BMAL1: variants seen among roughly 807,000 people sequenced by gnomAD.
The protein encoded by BMAL1 is basic helix-loop-helix ARNT like 1.
chr11:13,381,635 C>T, the BMAL1 span, among the ~76,000 whole-genome samples: 1 of 152,130 alleles, frequency 6.6e-6, no homozygotes, highest in Non-Finnish European at 1.5e-5. Flanking sequence ...CTAGGGCAGG[C>T]AATGGAAACA....
At chr11:13,302,011 A>T in the BMAL1 span, among the ~76,000 whole-genome samples, 2 of 152,170 alleles carry the variant, frequency 1.3e-5, no homozygotes, top group Admixed American at 6.5e-5. Flanking sequence ...AATCAGACAG[A>T]TGGACAGATG....
the BMAL1 span, among the ~76,000 whole-genome samples, chr11:13,328,341 G>C: frequency 1.3e-5 from 2 of 152,104 alleles, no homozygotes; most frequent in African/African-American, 2.4e-5. Flanking sequence ...TTAAAAAAAT[G>C]CTTGTTTTTT....
chr11:13,295,986 C>T, the BMAL1 span, among the ~76,000 whole-genome samples: 2 of 152,156 alleles, frequency 1.3e-5, no homozygotes, highest in Non-Finnish European at 2.9e-5. Context: ...GTTAGCCTTT[C>T]TGAAACTCTT....
chr11:13,286,788 G>A, the BMAL1 span, among the ~76,000 whole-genome samples: 1 of 152,136 alleles, frequency 6.6e-6, no homozygotes, highest in Admixed American at 6.5e-5. Context: ...ATATAATTAT[G>A]TAAATTGTTT....
the BMAL1 span, chr11:13,369,873 G>A: frequency 4.2e-6 from 6 of 1,429,934 alleles, 1 homozygote; most frequent in South Asian, 2.8e-5. Context: ...TGGCCAGAGT[G>A]GCAGGTCCCA....
chr11:13,366,590 G>C, the BMAL1 span: 18 of 1,293,114 alleles, frequency 1.4e-5, no homozygotes, highest in African/African-American at 1.6e-4. Context: ...CATGCAGACT[G>C]TGCATGCTTA....
At chr11:13,381,149 C>CTT in the BMAL1 span, 3 of 1,613,800 alleles carry the variant, frequency 1.9e-6, no homozygotes, top group South Asian at 2.2e-5. Flanking sequence ...GTGTAATTCT[C>CTT]TTTTCTGACA....
chr11:13,286,297 A>G, the BMAL1 span, among the ~76,000 whole-genome samples: 25 of 152,166 alleles, frequency 1.6e-4, no homozygotes, highest in Admixed American at 9.8e-4. Flanking sequence ...TTAAAGTTTT[A>G]TAGAAGGGAT....
the BMAL1 span, among the ~76,000 whole-genome samples, chr11:13,311,103 T>C: frequency 1.3e-5 from 2 of 152,172 alleles, no homozygotes; most frequent in Non-Finnish European, 2.9e-5. Flanking sequence ...GAAATGTAGA[T>C]GTTGGGGGTG....
the BMAL1 span, among the ~76,000 whole-genome samples, chr11:13,322,969 TAA>T: frequency 6.6e-6 from 1 of 150,966 alleles, no homozygotes; most frequent in Non-Finnish European, 1.5e-5. Flanking sequence ...TTTTTTTTTT[TAA>T]TTTTTTGTAG....
the BMAL1 span, among the ~76,000 whole-genome samples, chr11:13,384,540 A>G: frequency 6.6e-6 from 1 of 152,258 alleles, no homozygotes; most frequent in Non-Finnish European, 1.5e-5. Flanking sequence ...AGTGGTATCA[A>G]AAAAGAATAC....
the BMAL1 span, chr11:13,354,578 C>T: frequency 5.0e-5 from 66 of 1,316,930 alleles, no homozygotes; most frequent in South Asian, 3.7e-4. Flanking sequence ...CTCTAGGTGG[C>T]GACACAGTTG....
At chr11:13,341,785 A>C in the BMAL1 span, among the ~76,000 whole-genome samples, 1 of 152,268 alleles carries the variant, frequency 6.6e-6, no homozygotes, top group South Asian at 2.1e-4. Context: ...AACAATGAAA[A>C]GAAACAGGAG....
chr11:13,325,902 C>T, the BMAL1 span, among the ~76,000 whole-genome samples: 1 of 151,252 alleles, frequency 6.6e-6, no homozygotes, highest in African/African-American at 2.4e-5. Flanking sequence ...TAGTGAGAAG[C>T]GGGGAAAGAG....
At chr11:13,296,749 T>C in the BMAL1 span, among the ~76,000 whole-genome samples, 1 of 152,228 alleles carries the variant, frequency 6.6e-6, no homozygotes, top group South Asian at 2.1e-4. Context: ...CTTGGTTTCA[T>C]AGTTTTTCCC....
chr11:13,322,257 G>GACTA, the BMAL1 span, among the ~76,000 whole-genome samples: 1 of 152,124 alleles, frequency 6.6e-6, no homozygotes, highest in Non-Finnish European at 1.5e-5. Context: ...ACTGGTTTTA[G>GACTA]ACTAACTGGG....
the BMAL1 span, among the ~76,000 whole-genome samples, chr11:13,310,992 A>C: frequency 5.9e-5 from 9 of 152,256 alleles, 1 homozygote; most frequent in Non-Finnish European, 5.9e-5. Flanking sequence ...AGATACTGCA[A>C]AGGGAGAACC....
chr11:13,377,208 C>A, the BMAL1 span, among the ~76,000 whole-genome samples: 2 of 152,154 alleles, frequency 1.3e-5, no homozygotes, highest in Non-Finnish European at 2.9e-5. Context: ...TGCATGGCTG[C>A]AGCCCCCATC....
chr11:13,365,657 G>T, the BMAL1 span: 1 of 1,356,782 alleles, frequency 7.4e-7, no homozygotes, highest in South Asian at 1.2e-5. Context: ...ACTCAATTTT[G>T]TCAGAATAAT....
Sources: gnomAD v4.1 joint callset for allele counts (sites outside exome capture counted in the v4.1 genomes callset) on GRCh38, gnomAD v4.1.1 for gene constraint, MANE v1.5 for transcripts, NCBI Gene and HGNC (gene_info 2026-07-23, HGNC 2026-07-21) for gene names.